ADAMTS14: variants seen among roughly 807,000 people sequenced by gnomAD.
ADAMTS14 encodes ADAM metallopeptidase with thrombospondin type 1 motif 14, also known as A disintegrin and metalloproteinase with thrombospondin motifs 14.
Under a neutral mutation model 128.6 loss-of-function variants are expected in ADAMTS14, and 100 were observed. The ratio of observed to expected loss-of-function variants is 0.78; its 90% CI spans 0.66 to 0.92. The LOEUF (loss-of-function observed/expected upper bound fraction) is 0.92. ADAMTS14 is among the 40% of genes least tolerant of loss of function. ADAMTS14 has a pLI of 0.00. For missense variants in ADAMTS14, 1,562 were observed against 1,658.6 expected, an observed-to-expected ratio of 0.94 and a Z score of 1.01; for synonymous variants, 665 against 653.8, an observed-to-expected ratio of 1.02 and a Z score of -0.26.
chr10:70,757,850 A>G, intron 19 of ADAMTS14, 112 bp from the exon 20 acceptor site: 1 of 1,453,176 alleles, frequency 6.9e-7, no homozygotes, highest in Non-Finnish European at 9.2e-7. Context: ...TCTCCTTTGT[A>G]CCCTTTCTGT....
chr10:70,687,072 C>T (rs1839989606), intron 2 of ADAMTS14, among the ~76,000 whole-genome samples: 7 of 134,276 alleles, frequency 5.2e-5, no homozygotes, highest in Admixed American at 1.4e-4. Context: ...CCCCCCCCAC[C>T]TCCCTCCCGG....
rs1406758279 is a variant in ADAMTS14 at position 70,672,621 on chromosome 10, C to T, written c.-182C>T. Among the ~76,000 whole-genome samples the T allele has an allele frequency of 6.6e-6, 1 of 151,708 alleles. No individual in the cohort carries two copies. Among genetic ancestry groups the T allele is most frequent in the Middle Eastern group, 3.2e-3 (1 of 314 alleles). ...CGCCCGGAGCCAGCGGTCCAGGCGG[C>T]GGCGCCGCGCAGGGGACCCGGAGCA... On this transcript the variant is annotated 5_prime_UTR_variant, in exon 1 of 22. Coordinates refer to ENST00000373207, the MANE Select transcript of ADAMTS14 (RefSeq NM_080722.4).
At chr10:70,694,151 C>T (rs1305738399) in intron 2 of ADAMTS14, among the ~76,000 whole-genome samples, 6 of 152,358 alleles carry the variant, frequency 3.9e-5, no homozygotes, top group African/African-American at 1.2e-4. Context: ...ATCTCAGCGT[C>T]GGCAGGCTTT....
intron 11 of ADAMTS14, among the ~76,000 whole-genome samples, chr10:70,739,705 A>G (rs1415003085): frequency 6.6e-6 from 1 of 152,142 alleles, no homozygotes; most frequent in Non-Finnish European, 1.5e-5. Flanking sequence ...GACCCCTCAC[A>G]GCACTGAGGG....
At chr10:70,691,481 C>T (rs1208174750) in intron 2 of ADAMTS14, among the ~76,000 whole-genome samples, 2 of 102,342 alleles carry the variant, frequency 2.0e-5, no homozygotes, top group African/African-American at 6.6e-5. Context: ...CAGAGTGAGA[C>T]CCTGTTAAAA....
intron 4 of ADAMTS14, among the ~76,000 whole-genome samples, chr10:70,721,054 T>G (rs1284044255): frequency 6.7e-6 from 1 of 148,470 alleles, no homozygotes; most frequent in Non-Finnish European, 1.5e-5. Context: ...AGATGGACTC[T>G]TGCTCTGTCA....
intron 4 of ADAMTS14, among the ~76,000 whole-genome samples, chr10:70,711,322 C>T (rs140972920): frequency 4.6e-5 from 7 of 152,342 alleles, no homozygotes; most frequent in Non-Finnish European, 8.8e-5. Context: ...GGCAAAATCT[C>T]CCGAAGCAGG....
In ADAMTS14 at chr10:70,708,791, G is replaced by C. The variant is rs759826514; in HGVS notation, c.870+13G>C. The C allele has an allele frequency of 6.8e-7, 1 of 1,475,048 alleles. No homozygotes were observed. The highest frequency in any genetic ancestry group is 1.8e-5 in the Admixed American group (1 of 55,746). 91.4% of individuals were successfully genotyped at this position (1,475,048 alleles called of 1,614,324 possible). A position where few individuals can be genotyped will look rare whatever the true frequency, so the allele number is the denominator to read the frequency against. ...CCTCATGAATATCGTGAGTGTCCATGTGTCCTAGGACTTGGGGGGAGTGGG... is the reference window on the plus strand; with the variant it reads ...CCTCATGAATATCGTGAGTGTCCATCTGTCCTAGGACTTGGGGGGAGTGGG... On this transcript the variant is annotated intron_variant, in intron 4 of 21. Transcript: ENST00000373207.
At chr10:70,674,467 C>G in intron 1 of ADAMTS14, 89 bp from the exon 2 acceptor site, 1 of 1,344,582 alleles carries the variant, frequency 7.4e-7, no homozygotes, top group Non-Finnish European at 1.0e-6. Flanking sequence ...ACTGAGAGTT[C>G]CTATCCCTCC....
chr10:70,695,605 C>T (rs898477147), intron 2 of ADAMTS14, among the ~76,000 whole-genome samples: 1 of 152,152 alleles, frequency 6.6e-6, no homozygotes, highest in Non-Finnish European at 1.5e-5. Context: ...TGAGCCTGTC[C>T]CTCCTCCTTG....
chr10:70,741,980 GC>G (rs1842014302), intron 12 of ADAMTS14, among the ~76,000 whole-genome samples: 1 of 151,974 alleles, frequency 6.6e-6, no homozygotes, highest in South Asian at 2.1e-4. Flanking sequence ...ACAACTCTTG[GC>G]CCAGACAGCT....
intron 15 of ADAMTS14, among the ~76,000 whole-genome samples, chr10:70,747,205 C>A (rs4746064): frequency 0.2 from 29,675 of 152,044 alleles, 3,278 homozygotes; most frequent in East Asian, 0.53. Flanking sequence ...AACTTCTATT[C>A]TTGAAGGCAT....
chr10:70,716,854 G>A (rs919895720), intron 4 of ADAMTS14, among the ~76,000 whole-genome samples: 8 of 152,134 alleles, frequency 5.3e-5, no homozygotes, highest in Non-Finnish European at 8.8e-5. Flanking sequence ...TGCTGTCAGG[G>A]GCAGCTGGAG....
chr10:70,723,950 G>A (rs562027001), intron 4 of ADAMTS14, among the ~76,000 whole-genome samples: 8 of 152,312 alleles, frequency 5.3e-5, no homozygotes, highest in South Asian at 2.1e-4. Flanking sequence ...TTCTAGCTGC[G>A]TGGCCTTGGG....
Position 70,761,167 on chromosome 10 carries a change from T to C in ADAMTS14, c.*314T>C, listed in dbSNP as rs1388353757. 1.4e-5 allele frequency: 4 copies of C among 294,050 alleles called. No homozygotes were observed. Among genetic ancestry groups the C allele is most frequent in the African/African-American group, 4.3e-5 (2 of 46,640 alleles). The allele number at this position is 294,050 out of a possible 1,614,324, so 18.2% of individuals were successfully genotyped here. A position where few individuals can be genotyped will look rare whatever the true frequency, so the allele number is the denominator to read the frequency against. The stretch of plus-strand genomic sequence containing the variant: ...GCTCCCTCCTCACAGACCCTGGGCC[T>C]GGGCAGGTCTGAATCCCGGCTGGTC... On this transcript the variant is annotated 3_prime_UTR_variant, in exon 22 of 22. Transcript: ENST00000373207.
At chr10:70,741,183 T>A (rs769453076) in intron 12 of ADAMTS14, 21 bp downstream of exon 12, 1 of 1,608,566 alleles carries the variant, frequency 6.2e-7, no homozygotes, top group African/African-American at 1.3e-5. Flanking sequence ...CCCACCCCCC[T>A]CCCACTCCAT....
rs758947452 is a variant in ADAMTS14, at chr10:70,738,922, G to A, written c.1680G>A (p.Lys560=). The A allele has an allele frequency of 1.9e-6, 3 of 1,614,102 alleles. No individual in the cohort carries two copies. Among genetic ancestry groups the A allele is most frequent in the East Asian group, 4.5e-5 (2 of 44,876 alleles). Residue 560 remains lysine (K), a synonymous_variant, in exon 11 of 22, where the codon AAG becomes AAA. Transcript: ENST00000373207. ...GQDGGWSSWT[K]FGSCSRSCGG... ...ATGGAGGCTGGAGCTCCTGGACCAAGTTTGGGTCATGTTCGCGGTCATGTG... is the reference window on the plus strand; with the variant it reads ...ATGGAGGCTGGAGCTCCTGGACCAAATTTGGGTCATGTTCGCGGTCATGTG...
At position 70,760,445 on chromosome 10, in the gene ADAMTS14, C is replaced by T. The variant is rs1842580191; in HGVS notation, c.3264C>T (p.Leu1088=). The part of the protein sequence containing the change: ...RYCSIPGYHR[L]CCVSCIKKAS... ...GCTCCATTCCCGGCTACCACCGGCT[C>T]TGCTGTGTGTCCTGCATCAAGAAGG... is the stretch of plus-strand genomic sequence containing the variant. Residue 1088 remains leucine (L), a synonymous_variant, in exon 22 of 22, where the codon CTC becomes CTT. Transcript: ENST00000373207. 1.2e-6 allele frequency: 2 copies of T among 1,613,814 alleles called. No homozygotes were observed. The highest frequency in any genetic ancestry group is 1.7e-6 in the Non-Finnish European group (2 of 1,179,976).
At position 70,672,822 on chromosome 10, in the gene ADAMTS14, T is replaced by C; in HGVS notation, c.20T>C (p.Leu7Pro). The C allele has an allele frequency of 6.6e-7, 1 of 1,514,704 alleles. No homozygotes were observed. Among genetic ancestry groups the C allele is most frequent in the Non-Finnish European group, 8.8e-7 (1 of 1,135,620 alleles). 93.8% of individuals were successfully genotyped at this position (1,514,704 alleles called of 1,614,324 possible). The stretch of plus-strand genomic sequence containing the variant: ...GGCCACATGGCTCCACTCCGCGCGC[T>C]GCTGTCCTACCTGCTGCCTTTGCAC... MAPLRALLSYLLPLHCA... is the reference protein window; with the variant it reads MAPLRAPLSYLLPLHCA... The change falls in exon 1 of 22, where the codon CTG (leucine) becomes CCG (proline). Residue 7 changes from leucine to proline, a missense_variant. Transcript: ENST00000373207.
Sources: allele counts gnomAD v4.1 joint callset (sites outside exome capture counted in the v4.1 genomes callset), GRCh38; gene constraint gnomAD v4.1.1; transcripts MANE v1.5; gene names NCBI Gene and HGNC (gene_info 2026-07-23, HGNC 2026-07-21).